TMEM229B: variants seen among roughly 807,000 people sequenced by gnomAD.
TMEM229B encodes the protein chromosome 14 open reading frame 83.
TMEM229B carries 6 observed loss-of-function variants against 13.7 expected under a neutral mutation model. That is an observed-to-expected ratio of 0.44 (90% CI 0.24 to 0.86). The LOEUF is 0.86. TMEM229B is among the 40% of genes least tolerant of loss of function. TMEM229B has a pLI of 0.23. For missense variants in TMEM229B, 170 were observed against 236.0 expected (o/e 0.72, Z 1.83); for synonymous variants, 107 against 102.1 (o/e 1.05, Z -0.29).
At chr14:67,517,379 C>A (rs560769251), upstream of TMEM229B, among the ~76,000 whole-genome samples, 1 of 152,342 alleles carries the variant, frequency 6.6e-6, no homozygotes, top group East Asian at 1.9e-4. Flanking sequence ...ATGCATGAGG[C>A]ACGGTAGGCG....
intron 2 of TMEM229B, among the ~76,000 whole-genome samples, chr14:67,481,469 A>G (rs970249121): frequency 2.0e-5 from 3 of 152,208 alleles, no homozygotes; most frequent in African/African-American, 7.2e-5. Flanking sequence ...TGGTCCATGC[A>G]AGACCAACAG....
At chr14:67,505,813 TCTC>T (rs2032804842) in intron 1 of TMEM229B, among the ~76,000 whole-genome samples, 1 of 152,008 alleles carries the variant, frequency 6.6e-6, no homozygotes, top group African/African-American at 2.4e-5. Flanking sequence ...TTCAAGCAAT[TCTC>T]CTGCATCAGC....
chr14:67,514,163 G>C (rs557648154), intron 1 of TMEM229B, among the ~76,000 whole-genome samples: 1 of 152,308 alleles, frequency 6.6e-6, no homozygotes, highest in East Asian at 1.9e-4. Flanking sequence ...CCTCCAGGGA[G>C]AGCCTTGAGC....
At chr14:67,519,708 AAGTTTGT>A (rs2033261465), upstream of TMEM229B, among the ~76,000 whole-genome samples, 2 of 133,340 alleles carry the variant, frequency 1.5e-5, no homozygotes, top group South Asian at 5.2e-4. Context: ...GTGGCCCTGT[AAGTTTGT>A]TTTTTTTTTT....
At chr14:67,474,003 T>C in intron 2 of TMEM229B, 62 bp from the exon 3 acceptor site, 1 of 1,462,348 alleles carries the variant, frequency 6.8e-7, no homozygotes, top group Non-Finnish European at 9.0e-7. Flanking sequence ...CTATAATCCC[T>C]GCGCTTTGGG....
At chr14:67,498,855 G>A (rs2032493929) in intron 1 of TMEM229B, among the ~76,000 whole-genome samples, 1 of 152,054 alleles carries the variant, frequency 6.6e-6, no homozygotes, top group Non-Finnish European at 1.5e-5. Context: ...TTTTAGTAGA[G>A]ACAGGGTTTC....
intron 1 of TMEM229B, among the ~76,000 whole-genome samples, chr14:67,525,884 TC>T (rs1566710073): frequency 6.6e-6 from 1 of 152,186 alleles, no homozygotes; most frequent in Non-Finnish European, 1.5e-5. Context: ...ACTTTCAAGA[TC>T]AAACCATTCC....
intron 1 of TMEM229B, among the ~76,000 whole-genome samples, chr14:67,521,253 A>G (rs1232765443): frequency 6.6e-6 from 1 of 152,270 alleles, no homozygotes. Context: ...TTACAAAGTC[A>G]GACTTCTGTA....
upstream of TMEM229B, among the ~76,000 whole-genome samples, chr14:67,490,007 TCTG>T (rs1348810541): frequency 2.1e-3 from 293 of 138,912 alleles, no homozygotes; most frequent in Non-Finnish European, 3.4e-3. Flanking sequence ...AAAAAAAAAT[TCTG>T]TCTATGTGTC....
At chr14:67,518,938 A>G (rs1470106319), upstream of TMEM229B, among the ~76,000 whole-genome samples, 1 of 152,212 alleles carries the variant, frequency 6.6e-6, no homozygotes, top group African/African-American at 2.4e-5. Flanking sequence ...TGCAGATGCT[A>G]TGATAAGAAA....
At chr14:67,474,006 G>T in intron 2 of TMEM229B, 65 bp from the exon 3 acceptor site, 1 of 1,449,172 alleles carries the variant, frequency 6.9e-7, no homozygotes, top group Non-Finnish European at 9.1e-7. Flanking sequence ...TAATCCCTGC[G>T]CTTTGGGAGG....
At chr14:67,486,289 G>T (rs1446431544) in intron 2 of TMEM229B, among the ~76,000 whole-genome samples, 1 of 152,142 alleles carries the variant, frequency 6.6e-6, no homozygotes, top group African/African-American at 2.4e-5. Context: ...GTTTTGTTTT[G>T]TTTTGAGACA....
rs369901627 is a variant in TMEM229B, at chr14:67,495,633, G to A, written c.-191-8461C>T. Among the ~76,000 whole-genome samples, 29 of 152,050 alleles carry A rather than the reference G, an allele frequency of 1.9e-4. 1 individual carries two copies. The highest frequency in any genetic ancestry group is 6.5e-4 in the African/African-American group (27 of 41,476). On this transcript the variant is annotated intron_variant, in intron 1 of 2. Transcript: ENST00000357461. Reference sequence around the variant, plus strand: ...GAGTAGCTGGGATTACAGGTGCCCCGCCACCATGCCCAGTTGATTTTTGTA... The same window carrying A: ...GAGTAGCTGGGATTACAGGTGCCCCACCACCATGCCCAGTTGATTTTTGTA...
intron 1 of TMEM229B, among the ~76,000 whole-genome samples, chr14:67,511,808 C>G (rs1267307402): frequency 1.3e-5 from 2 of 152,134 alleles, no homozygotes; most frequent in African/African-American, 4.8e-5. Context: ...GGAGGAGAGC[C>G]GAAGGCCACA....
chr14:67,485,614 G>A (rs1265068782), intron 2 of TMEM229B, among the ~76,000 whole-genome samples: 1 of 152,220 alleles, frequency 6.6e-6, no homozygotes. Context: ...CTTCCTTCCT[G>A]CAGGCCTCTG....
chr14:67,498,671 G>T (rs2032486987), intron 1 of TMEM229B, among the ~76,000 whole-genome samples: 1 of 152,160 alleles, frequency 6.6e-6, no homozygotes, highest in South Asian at 2.1e-4. Flanking sequence ...TGTTGTTGTT[G>T]GTTTTCCTTT....
At chr14:67,491,694 C>CAGTT (rs1436011625), upstream of TMEM229B, among the ~76,000 whole-genome samples, 7 of 152,332 alleles carry the variant, frequency 4.6e-5, no homozygotes, top group Admixed American at 4.6e-4. Flanking sequence ...TCAAAGCCCC[C>CAGTT]AGTTCTTCTC....
intron 1 of TMEM229B, chr14:67,533,297 G>T (rs2033532781): frequency 6.6e-6 from 1 of 151,878 alleles, no homozygotes; most frequent in Non-Finnish European, 1.5e-5. Context: ...ACCGGCGGCA[G>T]CCCGGGACTC....
upstream of TMEM229B, among the ~76,000 whole-genome samples, chr14:67,493,561 G>T (rs1351476691): frequency 6.6e-6 from 1 of 152,190 alleles, no homozygotes; most frequent in East Asian, 1.9e-4. Context: ...CCTGAGTGCT[G>T]GTTTCACTTT....
Sources: allele counts gnomAD v4.1 joint callset (sites outside exome capture counted in the v4.1 genomes callset), GRCh38; gene constraint gnomAD v4.1.1; transcripts MANE v1.5; gene names NCBI Gene and HGNC (gene_info 2026-07-23, HGNC 2026-07-21).